The following LINGO2 variants were observed in gnomAD, a reference collection of about 807,000 sequenced individuals.
LINGO2 encodes the protein leucine-rich repeat and immunoglobulin-like domain-containing nogo receptor-interacting protein 2.
LINGO2 carries 14 observed loss-of-function variants against 30.6 expected under a neutral mutation model. That is an observed-to-expected ratio of 0.46 (90% confidence interval 0.30 to 0.72). The LOEUF (loss-of-function observed/expected upper bound fraction) is 0.72, where lower values mean the gene tolerates loss of function less well. LINGO2 is among the 30% of genes least tolerant of loss of function. The pLI is 0.07. For missense variants in LINGO2, 729 were observed against 751.7 expected, an observed-to-expected ratio of 0.97 and a Z score of 0.35; for synonymous variants, 317 against 288.5, an observed-to-expected ratio of 1.10 and a Z score of -1.00.
chr9:28,489,937 C>T (rs1238029282), intron 1 of LINGO2, among the ~76,000 whole-genome samples: 1 of 146,296 alleles, frequency 6.8e-6, no homozygotes, highest in Admixed American at 6.8e-5. Flanking sequence ...TAAGGAAAGG[C>T]ATATAGGTAT....
At chr9:28,745,229 G>A in the LINGO2 span, among the ~76,000 whole-genome samples, 3 of 152,002 alleles carry the variant, frequency 2.0e-5, no homozygotes, top group African/African-American at 7.3e-5. Flanking sequence ...CCCTGAGTCA[G>A]AGTACTTATT....
At chr9:28,769,462 C>CCATA in the LINGO2 span, among the ~76,000 whole-genome samples, 2 of 62,384 alleles carry the variant, frequency 3.2e-5, no homozygotes, top group Non-Finnish European at 5.3e-5. Flanking sequence ...CAGTTACATG[C>CCATA]TATATATATA....
At chr9:28,035,255 G>C (rs915340702) in intron 4 of LINGO2, among the ~76,000 whole-genome samples, 1 of 152,102 alleles carries the variant, frequency 6.6e-6, no homozygotes, top group Non-Finnish European at 1.5e-5. Context: ...TGCTTCAGAG[G>C]GATTTGTATA....
the LINGO2 span, among the ~76,000 whole-genome samples, chr9:28,755,456 G>C: frequency 1.3e-5 from 2 of 152,050 alleles, no homozygotes; most frequent in African/African-American, 4.8e-5. Context: ...GAAACAAAAT[G>C]TGACACTTTA....
At chr9:28,326,164 A>G (rs889888824) in intron 3 of LINGO2, among the ~76,000 whole-genome samples, 8 of 152,024 alleles carry the variant, frequency 5.3e-5, no homozygotes, top group South Asian at 2.1e-4. Context: ...CTGCTACCAT[A>G]TGTGACTAAT....
At position 28,652,864 on chromosome 9, in the gene LINGO2, G is replaced by C. The variant is rs946693652; in HGVS notation, c.-365+17336C>G. On this transcript the variant is annotated intron_variant, in intron 1 of 5. Transcript: ENST00000379992. ...AACAACCATAGTATATTAGTATTAA[G>C]GTCAAAAGCCTCATAGTGAGACACC... 6.6e-5 allele frequency among the ~76,000 whole-genome samples: 10 copies of C among 151,882 alleles called. 1 individual carries two copies. The highest frequency in any genetic ancestry group is 1.2e-4 in the Non-Finnish European group (8 of 67,954).
intron 4 of LINGO2, among the ~76,000 whole-genome samples, chr9:28,294,004 C>G (rs1369047032): frequency 2.0e-5 from 3 of 152,128 alleles, no homozygotes; most frequent in Non-Finnish European, 4.4e-5. Context: ...AAATTATTCA[C>G]CAGCTCAGTT....
chr9:28,272,975 G>T (rs1327923933), intron 4 of LINGO2, among the ~76,000 whole-genome samples: 1 of 152,142 alleles, frequency 6.6e-6, no homozygotes, highest in Admixed American at 6.5e-5. Flanking sequence ...GCTGAATAAA[G>T]CTCCCAGCTC....
At chr9:29,081,479 T>C in the LINGO2 span, among the ~76,000 whole-genome samples, 3 of 152,146 alleles carry the variant, frequency 2.0e-5, no homozygotes, top group Non-Finnish European at 4.4e-5. Context: ...AATATCATAC[T>C]GAATGGGCAA....
intron 4 of LINGO2, among the ~76,000 whole-genome samples, chr9:28,039,055 G>A (rs893947168): frequency 1.3e-5 from 2 of 152,198 alleles, no homozygotes; most frequent in East Asian, 1.9e-4. Context: ...GGAGTAAGGG[G>A]GAGGGAGGAA....
chr9:28,025,626 A>C (rs575804638), intron 4 of LINGO2, among the ~76,000 whole-genome samples: 1 of 152,358 alleles, frequency 6.6e-6, no homozygotes, highest in South Asian at 2.1e-4. Flanking sequence ...AAGGGAAATT[A>C]AATTGAAACT....
the LINGO2 span, among the ~76,000 whole-genome samples, chr9:28,682,043 T>C: frequency 6.6e-6 from 1 of 152,116 alleles, no homozygotes; most frequent in Non-Finnish European, 1.5e-5. Flanking sequence ...AGATCCTACA[T>C]AGTAAGTGTT....
chr9:28,932,227 C>A, the LINGO2 span, among the ~76,000 whole-genome samples: 2 of 151,940 alleles, frequency 1.3e-5, no homozygotes, highest in African/African-American at 4.8e-5. Flanking sequence ...GCATCACATT[C>A]CAGATATATT....
At chr9:28,889,453 T>G in the LINGO2 span, among the ~76,000 whole-genome samples, 1 of 151,944 alleles carries the variant, frequency 6.6e-6, no homozygotes, top group African/African-American at 2.4e-5. Context: ...TTTTTAATTT[T>G]AAAAATTATT....
At chr9:29,142,715 T>G in the LINGO2 span, among the ~76,000 whole-genome samples, 2 of 151,954 alleles carry the variant, frequency 1.3e-5, no homozygotes, top group Non-Finnish European at 2.9e-5. Flanking sequence ...ACTGGAAACA[T>G]TTCCTCTAAG....
At chr9:28,320,907 C>G (rs1825017836) in intron 3 of LINGO2, among the ~76,000 whole-genome samples, 1 of 152,096 alleles carries the variant, frequency 6.6e-6, no homozygotes, top group Admixed American at 6.5e-5. Flanking sequence ...CTTCAAATGG[C>G]AGATTCTTAT....
At chr9:28,226,535 AG>A (rs1208933908) in intron 4 of LINGO2, among the ~76,000 whole-genome samples, 1 of 151,830 alleles carries the variant, frequency 6.6e-6, no homozygotes, top group East Asian at 1.9e-4. Flanking sequence ...GGGCATAAGA[AG>A]AGAAATAGAA....
intron 4 of LINGO2, among the ~76,000 whole-genome samples, chr9:28,166,040 C>T (rs1332248213): frequency 1.3e-5 from 2 of 152,220 alleles, no homozygotes; most frequent in African/African-American, 4.8e-5. Context: ...TGACTCATAA[C>T]AGAGTGGCCT....
chr9:28,752,128 C>T, the LINGO2 span, among the ~76,000 whole-genome samples: 1 of 151,984 alleles, frequency 6.6e-6, no homozygotes, highest in Non-Finnish European at 1.5e-5. Context: ...TTGTTCAATA[C>T]ATTTTTAAAA....
Sources: gnomAD v4.1 joint callset for allele counts (sites outside exome capture counted in the v4.1 genomes callset) on GRCh38, gnomAD v4.1.1 for gene constraint, MANE v1.5 for transcripts, NCBI Gene and HGNC (gene_info 2026-07-23, HGNC 2026-07-21) for gene names.